The following FHIT variants were observed in gnomAD, a reference collection of about 807,000 sequenced individuals.
The protein encoded by FHIT is fragile histidine triad diadenosine triphosphatase, also known as bis(5'-adenosyl)-triphosphatase.
In FHIT, 19 loss-of-function variants were observed where a neutral mutation model predicts 17.9. The observed-to-expected ratio is 1.06, with a 90% confidence interval of 0.74 to 1.56. The LOEUF is 1.56. Among genes scored for constraint, FHIT ranks in the 40% most tolerant of loss-of-function variants. The probability of loss-of-function intolerance (pLI) is 0.00; values close to 1 mark genes in which losing one functional copy is unlikely to be tolerated. For synonymous variants in FHIT, 81 were observed against 69.7 expected, an observed-to-expected ratio of 1.16 and a Z score of -0.81; for missense variants, 248 against 189.2, an observed-to-expected ratio of 1.31 and a Z score of -1.82.
In FHIT at chr3:61,033,495, C is replaced by T. The variant is rs538914536; in HGVS notation, c.-111+8552G>A. Among the ~76,000 whole-genome samples the T allele has an allele frequency of 3.3e-5, 5 of 152,238 alleles. No individual in the cohort carries two copies. The South Asian group carries it at 6.2e-4, about 19-fold the overall frequency. ...AAACTAATATTTTTAATATTTTTGG[C>T]TAAGTGAAATATATTATTAGAATTA... On this transcript the variant is annotated intron_variant, in intron 3 of 9. Coordinates refer to ENST00000492590, the MANE Select transcript of FHIT (RefSeq NM_002012.4).
intron 3 of FHIT, among the ~76,000 whole-genome samples, chr3:60,892,587 T>G (rs544962283): frequency 2.0e-5 from 3 of 152,302 alleles, no homozygotes; most frequent in Admixed American, 6.5e-5. Flanking sequence ...TCCTTTCTCC[T>G]GAGAAGGTGG....
chr3:61,033,808 T>C (rs905355128), intron 3 of FHIT, among the ~76,000 whole-genome samples: 4 of 152,204 alleles, frequency 2.6e-5, no homozygotes, highest in African/African-American at 4.8e-5. Context: ...AGGTCACTAT[T>C]GCTGAAAATT....
chr3:59,972,201 T>G lies in FHIT; in HGVS notation c.279+39170A>C, dbSNP rs538023716. Among the ~76,000 whole-genome samples, 4 of 152,212 alleles carry G rather than the reference T, an allele frequency of 2.6e-5. No individual in the cohort carries two copies. In the South Asian group the frequency reaches 6.2e-4, roughly 24 times the overall value. ...AATGTGCCCTGTTAAGTTCAGAACATATAAAGTAAATACTCTAGAGTTTCA... is the reference window on the plus strand; with the variant it reads ...AATGTGCCCTGTTAAGTTCAGAACAGATAAAGTAAATACTCTAGAGTTTCA... On this transcript the variant is annotated intron_variant, in intron 7 of 9. Coordinates refer to ENST00000492590, the MANE Select transcript of FHIT (RefSeq NM_002012.4).
At chr3:60,803,602 G>A (rs1331944306) in intron 4 of FHIT, among the ~76,000 whole-genome samples, 4 of 152,210 alleles carry the variant, frequency 2.6e-5, no homozygotes, top group Non-Finnish European at 5.9e-5. Context: ...AGGGTGGTGT[G>A]AGTGGGGAGA....
At chr3:60,560,440 C>T (rs973908442) in intron 4 of FHIT, among the ~76,000 whole-genome samples, 1 of 152,084 alleles carries the variant, frequency 6.6e-6, no homozygotes, top group Non-Finnish European at 1.5e-5. Context: ...GCAAGAACAG[C>T]TTCATGAATG....
At chr3:60,136,334 A>T (rs1254781764) in intron 5 of FHIT, among the ~76,000 whole-genome samples, 1 of 152,156 alleles carries the variant, frequency 6.6e-6, no homozygotes. Context: ...AGGGCTATAT[A>T]TTCTTCTTCA....
chr3:61,056,175 T>C (rs188025518), intron 2 of FHIT, among the ~76,000 whole-genome samples: 24 of 152,266 alleles, frequency 1.6e-4, no homozygotes, highest in African/African-American at 4.8e-4. Flanking sequence ...TAATCCCAGC[T>C]CTCAGGGAGG....
At chr3:59,996,458 G>A (rs1487969833) in intron 7 of FHIT, among the ~76,000 whole-genome samples, 1 of 152,002 alleles carries the variant, frequency 6.6e-6, no homozygotes, top group Non-Finnish European at 1.5e-5. Context: ...GGGAATAGGA[G>A]GCCCCTGAAA....
chr3:60,881,624 G>A (rs1400605027), intron 3 of FHIT, among the ~76,000 whole-genome samples: 1 of 152,126 alleles, frequency 6.6e-6, no homozygotes, highest in Non-Finnish European at 1.5e-5. Flanking sequence ...TCAATAACAA[G>A]AGGGACTTTT....
At chr3:59,873,673 A>C (rs1348479330) in intron 8 of FHIT, among the ~76,000 whole-genome samples, 1 of 152,080 alleles carries the variant, frequency 6.6e-6, no homozygotes, top group East Asian at 1.9e-4. Flanking sequence ...AGCCCCACTC[A>C]AGTTGGGACA....
intron 5 of FHIT, among the ~76,000 whole-genome samples, chr3:60,480,456 A>G (rs2033557445): frequency 6.6e-6 from 1 of 152,186 alleles, no homozygotes; most frequent in African/African-American, 2.4e-5. Flanking sequence ...CATTAACACA[A>G]AAGTTCACAT....
Position 61,070,715 on chromosome 3 carries a change from T to C in FHIT, c.-163-28616A>G, listed in dbSNP as rs189463204. On this transcript the variant is annotated intron_variant, in intron 2 of 9. Coordinates refer to ENST00000492590, the MANE Select transcript of FHIT (RefSeq NM_002012.4). ...TGAGAGCATCTCTCTTTGTACCCCC[T>C]GAAATACATAATACTAATTTTCTTT... 6.2e-4 allele frequency among the ~76,000 whole-genome samples: 95 copies of C among 152,310 alleles called. 1 individual carries two copies. In the East Asian group the frequency reaches 0.017, roughly 28 times the overall value.
intron 8 of FHIT, among the ~76,000 whole-genome samples, chr3:59,796,688 A>G (rs186670526): frequency 2.7e-4 from 41 of 152,268 alleles, no homozygotes; most frequent in African/African-American, 8.9e-4. Flanking sequence ...TTCAATTTCT[A>G]TGTCAGTTCA....
At chr3:59,851,954 T>G (rs1164226099) in intron 8 of FHIT, among the ~76,000 whole-genome samples, 1 of 152,204 alleles carries the variant, frequency 6.6e-6, no homozygotes, top group African/African-American at 2.4e-5. Flanking sequence ...AATTTACCCT[T>G]TCATCTTGCT....
chr3:61,179,110 A>C (rs900791500), intron 2 of FHIT, among the ~76,000 whole-genome samples: 4 of 149,914 alleles, frequency 2.7e-5, no homozygotes, highest in Admixed American at 6.7e-5. Flanking sequence ...TCCTTGTTCA[A>C]GCAATTCTCC....
chr3:61,185,612 C>A (rs559845262), intron 2 of FHIT, among the ~76,000 whole-genome samples: 26 of 152,246 alleles, frequency 1.7e-4, no homozygotes, highest in South Asian at 2.1e-4. Flanking sequence ...TACTTTCTAT[C>A]CACATGAGAG....
At chr3:60,116,944 T>C (rs980476725) in intron 5 of FHIT, among the ~76,000 whole-genome samples, 1 of 152,098 alleles carries the variant, frequency 6.6e-6, no homozygotes, top group Non-Finnish European at 1.5e-5. Flanking sequence ...ACGGAAATAT[T>C]GTACAAAATG....
At chr3:59,954,862 A>G (rs1332718229) in intron 7 of FHIT, among the ~76,000 whole-genome samples, 2 of 152,226 alleles carry the variant, frequency 1.3e-5, no homozygotes, top group Non-Finnish European at 2.9e-5. Flanking sequence ...TGCTAGGGCC[A>G]GAAATGAGAT....
At chr3:60,075,805 C>A (rs1216009164) in intron 5 of FHIT, among the ~76,000 whole-genome samples, 1 of 152,076 alleles carries the variant, frequency 6.6e-6, no homozygotes, top group Non-Finnish European at 1.5e-5. Flanking sequence ...GTCCTGAGGC[C>A]TGGCATTCTC....
Sources: gnomAD v4.1 joint callset for allele counts (sites outside exome capture counted in the v4.1 genomes callset) on GRCh38, gnomAD v4.1.1 for gene constraint, MANE v1.5 for transcripts, NCBI Gene and HGNC (gene_info 2026-07-23, HGNC 2026-07-21) for gene names.